The following CORO2B variants were observed in gnomAD, a reference collection of about 807,000 sequenced individuals.
The protein encoded by CORO2B is coronin 2B.
CORO2B carries 26 observed loss-of-function variants against 58.8 expected under a neutral mutation model. That is an observed-to-expected ratio of 0.44 (90% confidence interval 0.32 to 0.61). The LOEUF is 0.61. Ranked by LOEUF, CORO2B falls within the 20% of genes least tolerant of loss-of-function variation. The pLI is 0.04. For synonymous variants in CORO2B, 242 were observed against 253.8 expected (o/e 0.95, Z 0.44); for missense variants, 460 against 645.1 (o/e 0.71, Z 3.11).
the CORO2B span, among the ~76,000 whole-genome samples, chr15:68,558,731 C>T: frequency 6.6e-6 from 1 of 152,044 alleles, no homozygotes; most frequent in Non-Finnish European, 1.5e-5. Context: ...GGAGTGTGGA[C>T]ACGGGGTCAC....
the CORO2B span, among the ~76,000 whole-genome samples, chr15:68,535,434 T>A: frequency 6.6e-6 from 1 of 152,214 alleles, no homozygotes; most frequent in African/African-American, 2.4e-5. Flanking sequence ...CAAAGATAAG[T>A]CAACCACAGA....
chr15:68,668,699 G>A (rs1237628542), intron 2 of CORO2B, among the ~76,000 whole-genome samples: 4 of 152,214 alleles, frequency 2.6e-5, no homozygotes, highest in African/African-American at 7.2e-5. Context: ...TCTAGGTGAT[G>A]TGGGAAGCCA....
At chr15:68,674,615 G>A (rs1044189489) in intron 2 of CORO2B, among the ~76,000 whole-genome samples, 1 of 152,204 alleles carries the variant, frequency 6.6e-6, no homozygotes, top group Admixed American at 6.5e-5. Context: ...TGGCGGTGGG[G>A]TGGAAGAGTA....
rs1033261443 is a variant in CORO2B, at chr15:68,625,976, T to G, written c.16-19184T>G. Among the ~76,000 whole-genome samples the G allele has an allele frequency of 2.0e-5, 3 of 152,226 alleles. No individual in the cohort carries two copies. In the East Asian group the frequency reaches 5.8e-4, roughly 29 times the overall value. ...TAGTTTGCTCCTTTTATTGCTGAGT[T>G]TGTGTTCCATCCTGTGGATGTGCCA... On this transcript the variant is annotated intron_variant, in intron 1 of 11. Coordinates refer to ENST00000261861, the MANE Select transcript of CORO2B (RefSeq NM_006091.5).
intron 1 of CORO2B, among the ~76,000 whole-genome samples, chr15:68,596,840 A>C (rs1036534128): frequency 1.3e-5 from 2 of 152,140 alleles, no homozygotes; most frequent in African/African-American, 4.8e-5. Context: ...CGCATCACGC[A>C]GAGCACTCCC....
rs187727406 is a variant in CORO2B, at chr15:68,585,473, G to T, written c.15+6196G>T. 7.6e-4 allele frequency among the ~76,000 whole-genome samples: 116 copies of T among 152,356 alleles called. 1 individual carries two copies. In the East Asian group the frequency reaches 0.015, roughly 19 times the overall value. ...CTATTATCCATCCCATTTTCTAGAG[G>T]AGGAGAGTGAGGCTTAGTGAGAGTA... On this transcript the variant is annotated intron_variant, in intron 1 of 11. Transcript: ENST00000261861.
At chr15:68,713,878 C>G (rs1490337276) in intron 5 of CORO2B, 47 bp from the exon 6 acceptor site, 6 of 1,343,526 alleles carry the variant, frequency 4.5e-6, no homozygotes, top group Non-Finnish European at 6.4e-6. Flanking sequence ...ACTGCAGAAC[C>G]CACATGTTGG....
At chr15:68,661,307 C>T (rs2140286835) in intron 2 of CORO2B, among the ~76,000 whole-genome samples, 1 of 152,250 alleles carries the variant, frequency 6.6e-6, no homozygotes, top group Admixed American at 6.5e-5. Flanking sequence ...CTTAGGAGTT[C>T]TTATGATTTC....
intron 3 of CORO2B, 87 bp downstream of exon 3, chr15:68,695,343 C>G (rs1892485514): frequency 7.6e-6 from 7 of 923,042 alleles, no homozygotes; most frequent in African/African-American, 1.6e-5. Flanking sequence ...CTCCCCTCCT[C>G]CACCCTTTGC....
intron 2 of CORO2B, among the ~76,000 whole-genome samples, chr15:68,657,517 CAAAAAAAA>C (rs373642309): frequency 2.3e-5 from 2 of 87,076 alleles, no homozygotes; most frequent in African/African-American, 9.9e-5. Flanking sequence ...GATCCTGTCT[CAAAAAAAA>C]AAAAAAAAAA....
intron 1 of CORO2B, among the ~76,000 whole-genome samples, chr15:68,590,164 CAGAG>C (rs894761055): frequency 1.3e-5 from 2 of 152,142 alleles, no homozygotes; most frequent in African/African-American, 4.8e-5. Context: ...AACTCTGGCT[CAGAG>C]GGAGGGAGAG....
chr15:68,602,410 C>CACACAA (rs1258664183), intron 1 of CORO2B, among the ~76,000 whole-genome samples: 1 of 109,442 alleles, frequency 9.1e-6, no homozygotes, highest in Non-Finnish European at 1.8e-5. Flanking sequence ...GGGCTGATCA[C>CACACAA]ACACACACAC....
At position 68,725,413 on chromosome 15, in the gene CORO2B, T is replaced by C. The variant is rs80083176; in HGVS notation, c.1312-430T>C. On this transcript the variant is annotated intron_variant, in intron 11 of 11. Coordinates refer to ENST00000261861, the MANE Select transcript of CORO2B (RefSeq NM_006091.5). Reference sequence around the variant, plus strand: ...AATTAGCAATAATAATGTAATAATATATGTAATACATGTAATAATACATCT... The same window carrying C: ...AATTAGCAATAATAATGTAATAATACATGTAATACATGTAATAATACATCT... Among the ~76,000 whole-genome samples the C allele has an allele frequency of 8.8e-3, 1,331 of 152,072 alleles. 9 individuals are homozygous for C. Among genetic ancestry groups the C allele is most frequent in the Non-Finnish European group, 0.013 (885 of 67,992 alleles).
At chr15:68,661,268 G>A (rs983025171) in intron 2 of CORO2B, among the ~76,000 whole-genome samples, 3 of 152,002 alleles carry the variant, frequency 2.0e-5, no homozygotes, top group Non-Finnish European at 2.9e-5. Context: ...GTGAGCCACC[G>A]CATCTGGTCA....
intron 2 of CORO2B, among the ~76,000 whole-genome samples, chr15:68,666,883 G>A (rs1902209712): frequency 6.6e-6 from 1 of 152,204 alleles, no homozygotes; most frequent in African/African-American, 2.4e-5. Context: ...CGTGTTCAGG[G>A]TGGTATGGCC....
chr15:68,640,234 C>G (rs1901165909), intron 1 of CORO2B, among the ~76,000 whole-genome samples: 1 of 152,204 alleles, frequency 6.6e-6, no homozygotes, highest in African/African-American at 2.4e-5. Context: ...TGGCACTGGC[C>G]AGGTGGCCTC....
At chr15:68,698,469 A>G (rs1892565959) in intron 3 of CORO2B, among the ~76,000 whole-genome samples, 1 of 152,192 alleles carries the variant, frequency 6.6e-6, no homozygotes, top group Non-Finnish European at 1.5e-5. Flanking sequence ...CCAGGACCCC[A>G]GCTTGTAAAC....
Position 68,645,016 on chromosome 15 carries a change from C to G in CORO2B, c.16-144C>G. ...GCCCTGAATTCTTGGATGCTTCTTC[C>G]TTTCCATCTCTTCCTGACAGGGGAC... is the stretch of plus-strand genomic sequence containing the variant. On this transcript the variant is annotated intron_variant, in intron 1 of 11. Transcript: ENST00000261861. The surrounding 1 kb of genome is among the most constrained non-coding windows in gnomAD (Gnocchi z 4.5). 1.3e-6 allele frequency: 1 copy of G among 752,166 alleles called. No homozygotes were observed. The highest frequency in any genetic ancestry group is 2.1e-6 in the Non-Finnish European group (1 of 466,318). The allele number at this position is 752,166 out of a possible 1,614,324, so 46.6% of individuals were successfully genotyped here. A position where few individuals can be genotyped will look rare whatever the true frequency, so the allele number is the denominator to read the frequency against.
At position 68,688,186 on chromosome 15, in the gene CORO2B, G is replaced by A. The variant is rs944437453; in HGVS notation, c.217-6954G>A. Among the ~76,000 whole-genome samples the A allele has an allele frequency of 2.6e-5, 4 of 152,302 alleles. No individual in the cohort carries two copies. In the South Asian group the frequency reaches 8.3e-4, roughly 32 times the overall value. On this transcript the variant is annotated intron_variant, in intron 2 of 11. Transcript: ENST00000261861. ...TTTTTCAATCAAGGCTATGGGAGGT[G>A]TGTTTTTTGTAATAATATCTGTTTT... is the stretch of plus-strand genomic sequence containing the variant.
Sources: allele counts gnomAD v4.1 joint callset (sites outside exome capture counted in the v4.1 genomes callset), GRCh38; gene constraint gnomAD v4.1.1; non-coding constraint Gnocchi (gnomAD v3.1); transcripts MANE v1.5; gene names NCBI Gene and HGNC (gene_info 2026-07-23, HGNC 2026-07-21).